MYO9B: variants seen among roughly 807,000 people sequenced by gnomAD.
The protein encoded by MYO9B is unconventional myosin-IXb.
In MYO9B, 71 loss-of-function variants were observed where a neutral mutation model predicts 229.5. The ratio of observed to expected loss-of-function variants is 0.31; its 90% CI spans 0.26 to 0.38. MYO9B has a LOEUF of 0.38. Among genes scored for constraint, MYO9B ranks in the 10% least tolerant of loss-of-function variants. The pLI is 1.00. For synonymous variants in MYO9B, 1,185 were observed against 1,235.8 expected, an observed-to-expected ratio of 0.96 and a Z score of 0.86; for missense variants, 2,255 against 2,920.5, an observed-to-expected ratio of 0.77 and a Z score of 5.25.
chr19:17,186,269 G>T (rs1381022473), intron 18 of MYO9B, among the ~76,000 whole-genome samples: 5 of 152,222 alleles, frequency 3.3e-5, no homozygotes, highest in Admixed American at 3.3e-4. Context: ...ATCCCAAAGA[G>T]TAGCCGGTGC....
chr19:17,146,965 C>T (rs901800744), intron 3 of MYO9B, among the ~76,000 whole-genome samples: 3 of 152,242 alleles, frequency 2.0e-5, no homozygotes, highest in Admixed American at 2.0e-4. Flanking sequence ...ATATTGTTCT[C>T]CTGAACCTTC....
intron 23 of MYO9B, 106 bp from the exon 24 acceptor site, chr19:17,198,078 A>T: frequency 6.8e-7 from 1 of 1,471,524 alleles, no homozygotes; most frequent in Non-Finnish European, 9.1e-7. Context: ...AAAAAAAAGC[A>T]GGAAGTGAGG....
At chr19:17,206,929 C>A in intron 34 of MYO9B, 145 bp downstream of exon 34, 1 of 1,222,338 alleles carries the variant, frequency 8.2e-7, no homozygotes, top group Non-Finnish European at 1.2e-6. Context: ...TGGGAGGGGG[C>A]CAGGCTGCTG....
intron 23 of MYO9B, 151 bp downstream of exon 23, chr19:17,198,009 G>A (rs530295983): frequency 3.9e-5 from 51 of 1,310,370 alleles, no homozygotes; most frequent in Middle Eastern, 2.6e-4. Context: ...AGTGAGCCTC[G>A]CGAGACCAGG....
At position 17,205,354 on chromosome 19, in the gene MYO9B, GGAACTTTCTACAAT is replaced by G; in HGVS notation, c.5064+21_5064+34del. ...GGAGGAAGGTGAGTGTACGAGGCCT[GGAACTTTCTACAAT>G]GACACTCCACTCACGGCCAGGTGCA... is the stretch of plus-strand genomic sequence containing the variant. On this transcript the variant is annotated intron_variant, in intron 31 of 39. Coordinates refer to ENST00000682292, the MANE Select transcript of MYO9B (RefSeq NM_004145.4). 1.2e-6 allele frequency: 2 copies of G among 1,610,686 alleles called. No individual in the cohort carries two copies. The highest frequency in any genetic ancestry group is 1.7e-6 in the Non-Finnish European group (2 of 1,177,218).
chr19:17,183,709 C>A, intron 15 of MYO9B, 120 bp from the exon 16 acceptor site: 1 of 814,824 alleles, frequency 1.2e-6, no homozygotes, highest in Non-Finnish European at 1.9e-6. Context: ...TGCGCCTTCT[C>A]ACTCTCTCCC....
chr19:17,152,821 G>A lies in MYO9B; in HGVS notation c.998+115G>A, dbSNP rs532595003. On this transcript the variant is annotated intron_variant, in intron 4 of 39. Transcript: ENST00000682292. ...GGTCGGAGGAATTCTGGGGGAGGCC[G>A]TGGAGGCTCTCACAGGAGCAGGGCC... 19 of 884,428 alleles carry A rather than the reference G, an allele frequency of 2.1e-5. No individual in the cohort carries two copies. The East Asian group carries it at 2.3e-4, about 11-fold the overall frequency. The allele number at this position is 884,428 out of a possible 1,614,324, so 54.8% of individuals were successfully genotyped here.
intron 14 of MYO9B, among the ~76,000 whole-genome samples, chr19:17,179,355 AG>A (rs199620783): frequency 0.037 from 5,522 of 151,066 alleles, 148 homozygotes; most frequent in Middle Eastern, 0.097. Flanking sequence ...AATCATGGAG[AG>A]AGACTAATTT....
intron 19 of MYO9B, among the ~76,000 whole-genome samples, chr19:17,189,800 A>G (rs1241860257): frequency 6.6e-6 from 1 of 152,062 alleles, no homozygotes; most frequent in Admixed American, 6.6e-5. Context: ...GCAGTGGCTC[A>G]TGCTTGTAAT....
At chr19:17,117,177 G>GATGT (rs1163380302) in intron 2 of MYO9B, among the ~76,000 whole-genome samples, 1 of 152,170 alleles carries the variant, frequency 6.6e-6, no homozygotes, top group African/African-American at 2.4e-5. Flanking sequence ...GTCTATCGGC[G>GATGT]ATGTCAGCCT....
At position 17,086,234 on chromosome 19, in the gene MYO9B, C is replaced by G. The variant is rs560702288; in HGVS notation, c.-59+10360C>G. Among the ~76,000 whole-genome samples the G allele has an allele frequency of 2.5e-4, 38 of 152,302 alleles. 2 individuals carry two copies. In the South Asian group the frequency reaches 7.9e-3, roughly 32 times the overall value. ...GGGCCCTGGAAGATCTGACCTTCCC[C>G]ATCTCAGCTTCTCTCTCCCGGCCTC... On this transcript the variant is annotated intron_variant, in intron 1 of 39. Coordinates refer to ENST00000682292, the MANE Select transcript of MYO9B (RefSeq NM_004145.4).
At chr19:17,097,946 T>C (rs1478707621) in intron 1 of MYO9B, among the ~76,000 whole-genome samples, 2 of 152,124 alleles carry the variant, frequency 1.3e-5, no homozygotes, top group Non-Finnish European at 2.9e-5. Context: ...AAGGCTGCCT[T>C]CCAGTAAAAC....
intron 2 of MYO9B, among the ~76,000 whole-genome samples, chr19:17,129,288 G>T (rs896377573): frequency 1.3e-5 from 2 of 152,184 alleles, no homozygotes; most frequent in Non-Finnish European, 2.9e-5. Flanking sequence ...TGTAGTTGCA[G>T]CTACTCTGGA....
chr19:17,094,015 T>TTTG (rs141113380), intron 1 of MYO9B, among the ~76,000 whole-genome samples: 22,380 of 148,380 alleles, frequency 0.15, 1,741 homozygotes, highest in South Asian at 0.17. Flanking sequence ...TGCAGCTGGC[T>TTTG]TTGTTGTTGT....
intron 2 of MYO9B, among the ~76,000 whole-genome samples, chr19:17,132,605 T>C (rs9797484): frequency 0.18 from 25,577 of 145,048 alleles, 2,533 homozygotes; most frequent in East Asian, 0.28. Flanking sequence ...CTCGGCTCAC[T>C]GCAAGCTCCA....
chr19:17,165,584 A>C (rs2072650386), intron 10 of MYO9B, among the ~76,000 whole-genome samples: 1 of 152,008 alleles, frequency 6.6e-6, no homozygotes, highest in Non-Finnish European at 1.5e-5. Context: ...CTAAAAAAAA[A>C]AAATTTGAGA....
chr19:17,195,333 C>T lies in MYO9B; in HGVS notation c.3906C>T (p.Asp1302=). 4.3e-6 allele frequency: 7 copies of T among 1,612,492 alleles called. No individual in the cohort carries two copies. Among genetic ancestry groups the T allele is most frequent in the East Asian group, 2.2e-5 (1 of 44,856 alleles). ...GGSTQIQRYL[D]AERLASAVEL... Reference sequence around the variant, plus strand: ...CCACGCAGATCCAGCGGTACCTGGACGCCGAGCGGCTGGCCAGCGCCGTGG... The same window carrying T: ...CCACGCAGATCCAGCGGTACCTGGATGCCGAGCGGCTGGCCAGCGCCGTGG... Residue 1302 remains aspartate (D), a synonymous_variant, in exon 22 of 40, where the codon GAC becomes GAT. Coordinates refer to ENST00000682292, the MANE Select transcript of MYO9B (RefSeq NM_004145.4). The surrounding 1 kb of genome is among the most constrained non-coding windows in gnomAD (Gnocchi z 4.5).
At chr19:17,133,484 T>C (rs1007850715) in intron 2 of MYO9B, among the ~76,000 whole-genome samples, 1 of 152,018 alleles carries the variant, frequency 6.6e-6, no homozygotes, top group Non-Finnish European at 1.5e-5. Context: ...TGAGACAGGG[T>C]CTCGCTCTGT....
chr19:17,176,158 T>C (rs1168170832), intron 14 of MYO9B, among the ~76,000 whole-genome samples: 1 of 151,948 alleles, frequency 6.6e-6, no homozygotes, highest in East Asian at 1.9e-4. Context: ...GCCTCCGGAG[T>C]AGCTGGGACT....
Sources: gnomAD v4.1 joint callset for allele counts (sites outside exome capture counted in the v4.1 genomes callset) on GRCh38, gnomAD v4.1.1 for gene constraint, Gnocchi (gnomAD v3.1) non-coding constraint, MANE v1.5 for transcripts, NCBI Gene and HGNC (gene_info 2026-07-23, HGNC 2026-07-21) for gene names.